Variants in NDUFB3 observed in about 807,000 individuals in gnomAD.
The protein encoded by NDUFB3 is NADH dehydrogenase [ubiquinone] 1 beta subcomplex subunit 3.
Under a neutral mutation model 9.0 loss-of-function variants are expected in NDUFB3, and 7 were observed. The observed-to-expected ratio is 0.78, with a 90% CI of 0.44 to 1.46. The LOEUF (loss-of-function observed/expected upper bound fraction) is 1.46. NDUFB3 is among the 40% of genes most tolerant of loss of function. The pLI, the probability that NDUFB3 is intolerant of heterozygous loss-of-function variation, is 0.01. For synonymous variants in NDUFB3, 29 were observed against 38.5 expected (o/e 0.75, Z 0.91); for missense variants, 93 against 115.4 (o/e 0.81, Z 0.89).
intron 2 of NDUFB3, among the ~76,000 whole-genome samples, chr2:201,082,301 G>A (rs753549560): frequency 1.3e-5 from 2 of 151,894 alleles, no homozygotes; most frequent in Non-Finnish European, 2.9e-5. Flanking sequence ...TGGAGTCTCC[G>A]TCGCCCAGGA....
At chr2:201,081,789 C>T (rs2047225778) in intron 2 of NDUFB3, among the ~76,000 whole-genome samples, 1 of 150,456 alleles carries the variant, frequency 6.6e-6, no homozygotes, top group South Asian at 2.1e-4. Flanking sequence ...GCTGGGATTA[C>T]AGACGTGCAC....
chr2:201,084,057 G>T (rs982454426), intron 2 of NDUFB3, among the ~76,000 whole-genome samples: 1 of 152,104 alleles, frequency 6.6e-6, no homozygotes, highest in African/African-American at 2.4e-5. Flanking sequence ...TTGGGAGGCC[G>T]AGGTGGGTGA....
chr2:201,078,057 C>T (rs1252059920), intron 1 of NDUFB3, among the ~76,000 whole-genome samples: 1 of 151,828 alleles, frequency 6.6e-6, no homozygotes, highest in Non-Finnish European at 1.5e-5. Flanking sequence ...AATCCCAGCA[C>T]TTTGGGAGGC....
intron 2 of NDUFB3, 73 bp downstream of exon 2, chr2:201,079,095 TCTC>T (rs2047197490): frequency 4.8e-6 from 7 of 1,472,698 alleles, no homozygotes; most frequent in Non-Finnish European, 6.4e-6. Flanking sequence ...TTCAATGTAT[TCTC>T]CTTAGAGAAT....
rs191592433 is a variant in NDUFB3, at chr2:201,073,717, G to A, written c.-3+1658G>A. On this transcript the variant is annotated intron_variant, in intron 1 of 2. Transcript: ENST00000237889. ...TGGGAGGCGGAGGTTGCAGTGAGCC[G>A]ACATTGCACCACCCACTGCACTCCA... is the stretch of plus-strand genomic sequence containing the variant. 7.6e-3 allele frequency among the ~76,000 whole-genome samples: 1,154 copies of A among 151,816 alleles called. 10 individuals carry two copies. The highest frequency in any genetic ancestry group is 0.026 in the African/African-American group (1,094 of 41,404).
intron 1 of NDUFB3, 34 bp from the exon 2 acceptor site, chr2:201,078,847 A>G (rs375279387): frequency 7.0e-6 from 11 of 1,581,962 alleles, no homozygotes; most frequent in Admixed American, 3.9e-5. Context: ...TACAATTTGC[A>G]TATTTCTCAC....
rs1049245672 is a variant in NDUFB3, at chr2:201,081,061, T to C, written c.140+2039T>C. Among the ~76,000 whole-genome samples the C allele has an allele frequency of 5.3e-5, 8 of 152,232 alleles. 1 individual carries two copies. Among genetic ancestry groups the C allele is most frequent in the Middle Eastern group, 3.4e-3 (1 of 294 alleles). On this transcript the variant is annotated intron_variant, in intron 2 of 2. Coordinates refer to ENST00000237889, the MANE Select transcript of NDUFB3 (RefSeq NM_002491.3). Reference sequence around the variant, plus strand: ...ATTCTAGGTCCTTTGCTTTTACATATAAACTTTGGAATGAACCTGACAATT... The same window carrying C: ...ATTCTAGGTCCTTTGCTTTTACATACAAACTTTGGAATGAACCTGACAATT...
chr2:201,080,590 CTG>C (rs1181980258), intron 2 of NDUFB3, among the ~76,000 whole-genome samples: 5 of 151,908 alleles, frequency 3.3e-5, no homozygotes, highest in Admixed American at 2.6e-4. Context: ...AATCAATTGA[CTG>C]TATCTATGGG....
chr2:201,074,764 C>T (rs573118731), intron 1 of NDUFB3, among the ~76,000 whole-genome samples: 2 of 152,208 alleles, frequency 1.3e-5, no homozygotes, highest in Non-Finnish European at 2.9e-5. Flanking sequence ...CCATGTTCAG[C>T]CTTTCTAGGT....
chr2:201,084,853 T>C (rs2047271752), intron 2 of NDUFB3, among the ~76,000 whole-genome samples: 2 of 152,110 alleles, frequency 1.3e-5, no homozygotes, highest in Non-Finnish European at 2.9e-5. Flanking sequence ...AGGGTATCAA[T>C]CTTCCAAAAT....
intron 2 of NDUFB3, among the ~76,000 whole-genome samples, chr2:201,081,089 T>C (rs2047216821): frequency 6.6e-6 from 1 of 152,180 alleles, no homozygotes; most frequent in Admixed American, 6.6e-5. Context: ...TGACAATTTC[T>C]ATTAAAATCC....
chr2:201,072,752 G>A (rs957698650), intron 1 of NDUFB3, among the ~76,000 whole-genome samples: 5 of 152,102 alleles, frequency 3.3e-5, no homozygotes, highest in African/African-American at 4.8e-5. Flanking sequence ...TTATTGTCAA[G>A]TATATATACA....
chr2:201,085,373 C>T, intron 2 of NDUFB3, 86 bp from the exon 3 acceptor site: 1 of 1,052,232 alleles, frequency 9.5e-7, no homozygotes, highest in Non-Finnish European at 1.3e-6. Context: ...GCATTTAAGT[C>T]AATTAGAAAG....
intron 2 of NDUFB3, among the ~76,000 whole-genome samples, chr2:201,080,509 G>T (rs545519756): frequency 1.6e-4 from 25 of 152,182 alleles, no homozygotes; most frequent in Non-Finnish European, 3.2e-4. Context: ...TGTCCAGGCG[G>T]CAGTGAGCCA....
rs200800978 is a variant in NDUFB3 at position 201,085,526 on chromosome 2, G to T, written c.208G>T (p.Gly70Ter). 1.6e-4 allele frequency: 257 copies of T among 1,612,462 alleles called. No individual in the cohort carries two copies. The highest frequency in any genetic ancestry group is 2.0e-4 in the Non-Finnish European group (239 of 1,179,064). Reference protein sequence around the residue: ...SVSFSDVFFKGFKWGFAAFVV... With the variant: ...SVSFSDVFFK ...TTCCTTTTCTGATGTATTCTTTAAA[G>T]GATTCAAATGGGGATTTGCTGCATT... The change falls in exon 3 of 3, where the codon GGA (glycine) becomes TGA (stop). Residue 70 changes from glycine (G) to a stop codon, truncating the protein, a stop_gained. Coordinates refer to ENST00000237889, the MANE Select transcript of NDUFB3 (RefSeq NM_002491.3). LOFTEE classifies it high-confidence loss of function.
Position 201,085,727 on chromosome 2 carries a change from A to C in NDUFB3, c.*112A>C. The C allele has an allele frequency of 2.5e-6, 2 of 804,958 alleles. No homozygotes were observed. Among genetic ancestry groups the C allele is most frequent in the Non-Finnish European group, 3.6e-6 (2 of 551,992 alleles). The allele number at this position is 804,958 out of a possible 1,614,324, so 49.9% of individuals were successfully genotyped here. Reference sequence around the variant, plus strand: ...TACAGAATATTAGTAAGATTTAATCAATTAAAATATATATATATGCCAATC... The same window carrying C: ...TACAGAATATTAGTAAGATTTAATCCATTAAAATATATATATATGCCAATC... On this transcript the variant is annotated 3_prime_UTR_variant, in exon 3 of 3. Coordinates refer to ENST00000237889, the MANE Select transcript of NDUFB3 (RefSeq NM_002491.3).
intron 1 of NDUFB3, among the ~76,000 whole-genome samples, chr2:201,073,699 C>T (rs2047127342): frequency 6.6e-6 from 1 of 151,700 alleles, no homozygotes. Context: ...ACCTGGGAGG[C>T]GGAGGTTGCA....
chr2:201,080,488 T>G (rs1366246850), intron 2 of NDUFB3, among the ~76,000 whole-genome samples: 1 of 152,122 alleles, frequency 6.6e-6, no homozygotes, highest in Non-Finnish European at 1.5e-5. Flanking sequence ...GCAGATCACT[T>G]GAGCCCAGGA....
At chr2:201,079,781 T>C (rs1015153265) in intron 2 of NDUFB3, 4 of 152,212 alleles carry the variant, frequency 2.6e-5, no homozygotes, top group Admixed American at 2.6e-4. Context: ...GAGCTATCGT[T>C]TATATATAGT....
Sources: gnomAD v4.1 joint callset for allele counts (sites outside exome capture counted in the v4.1 genomes callset) on GRCh38, gnomAD v4.1.1 for gene constraint, MANE v1.5 for transcripts, NCBI Gene and HGNC (gene_info 2026-07-23, HGNC 2026-07-21) for gene names.